Variants in PDCD7 observed in about 807,000 individuals in gnomAD.
PDCD7 encodes the protein programmed cell death protein 7.
In PDCD7, 40 loss-of-function variants were observed where a neutral mutation model predicts 42.1. That is an observed-to-expected ratio of 0.95 (90% CI 0.74 to 1.24). The LOEUF (loss-of-function observed/expected upper bound fraction) is 1.24. Ranked by LOEUF, PDCD7 falls within the 50% of genes most tolerant of loss-of-function variation. The probability of loss-of-function intolerance (pLI) is 0.00; values close to 1 mark genes in which losing one functional copy is unlikely to be tolerated. For synonymous variants in PDCD7, 299 were observed against 303.3 expected (o/e 0.99, Z 0.15); for missense variants, 644 against 662.8 (o/e 0.97, Z 0.31).
rs747819259 is a variant in PDCD7, at chr15:65,119,978, A to G, written c.1010-24T>C. 3.8e-6 allele frequency: 6 copies of G among 1,583,382 alleles called. No individual in the cohort carries two copies. In the South Asian group the frequency reaches 7.1e-5, roughly 19 times the overall value. ...CCCTGGGCAGACAGGACAAAATGGC[A>G]TTTTATTTATTTTTTTTTTTGAGAC... On this transcript the variant is annotated intron_variant, in intron 2 of 4. Coordinates refer to ENST00000204549, the MANE Select transcript of PDCD7 (RefSeq NM_005707.2).
chr15:65,133,539 G>C lies in PDCD7; in HGVS notation c.243C>G (p.Tyr81Ter). 8.1e-7 allele frequency: 1 copy of C among 1,229,252 alleles called. No individual in the cohort carries two copies. The highest frequency in any genetic ancestry group is 1.0e-6 in the Non-Finnish European group (1 of 986,302). The allele number at this position is 1,229,252 out of a possible 1,614,324, so 76.1% of individuals were successfully genotyped here. A position where few individuals can be genotyped will look rare whatever the true frequency, so the allele number is the denominator to read the frequency against. ...SRGGGGAGAFYPVPPPPLPPP... is the reference protein window; with the variant it reads ...SRGGGGAGAF ...GAGGCAGCGGCGGTGGTGGCACCGG[G>C]TAGAAGGCGCCAGCGCCGCCTCCGC... The change falls in exon 1 of 5, where the codon TAC (tyrosine) becomes TAG (stop). Residue 81 changes from tyrosine to a stop codon, truncating the protein, a stop_gained. Transcript: ENST00000204549. LOFTEE classifies it high-confidence loss of function.
Position 65,118,661 on chromosome 15 carries a change from C to T in PDCD7, c.*56G>A. ...TCTACAGCAAAAGATGGCACCATCG[C>T]TAATATTTACAGCTGGAAAGAGCGC... On this transcript the variant is annotated 3_prime_UTR_variant, in exon 5 of 5. Coordinates refer to ENST00000204549, the MANE Select transcript of PDCD7 (RefSeq NM_005707.2). 2 of 1,496,408 alleles carry T rather than the reference C, an allele frequency of 1.3e-6. No individual in the cohort carries two copies. Among genetic ancestry groups the T allele is most frequent in the Admixed American group, 2.3e-5 (1 of 43,322 alleles). The allele number at this position is 1,496,408 out of a possible 1,614,324, so 92.7% of individuals were successfully genotyped here. A position where few individuals can be genotyped will look rare whatever the true frequency, so the allele number is the denominator to read the frequency against.
intron 2 of PDCD7, among the ~76,000 whole-genome samples, chr15:65,127,433 C>T (rs573362066): frequency 9.0e-5 from 13 of 143,870 alleles, no homozygotes; most frequent in Non-Finnish European, 1.8e-4. Context: ...GTCCGCAGTC[C>T]GGCCTGGGCG....
At chr15:65,132,807 CG>C in intron 1 of PDCD7, 104 bp downstream of exon 1, 1 of 1,506,828 alleles carries the variant, frequency 6.6e-7, no homozygotes, top group Non-Finnish European at 8.9e-7. Context: ...TCATTTTGCG[CG>C]TAAAACAGAG....
intron 3 of PDCD7, 124 bp downstream of exon 3, chr15:65,119,594 G>T: frequency 2.4e-6 from 3 of 1,248,072 alleles, no homozygotes; most frequent in South Asian, 1.3e-5. Context: ...TGAGTTCTAT[G>T]ACACAGAATT....
At chr15:65,128,510 T>C (rs941464489) in intron 2 of PDCD7, among the ~76,000 whole-genome samples, 2 of 152,168 alleles carry the variant, frequency 1.3e-5, no homozygotes, top group African/African-American at 4.8e-5. Context: ...TGTCTGGTGC[T>C]TCCTCCAGAG....
chr15:65,126,890 A>G (rs914691673), intron 2 of PDCD7, among the ~76,000 whole-genome samples: 1 of 152,040 alleles, frequency 6.6e-6, no homozygotes, highest in Non-Finnish European at 1.5e-5. Context: ...TTATATGTAC[A>G]TGGGTATATA....
chr15:65,119,596 C>T, intron 3 of PDCD7, 122 bp downstream of exon 3: 1 of 1,242,478 alleles, frequency 8.0e-7, no homozygotes, highest in Non-Finnish European at 1.2e-6. Context: ...AGTTCTATGA[C>T]ACAGAATTGC....
intron 2 of PDCD7, among the ~76,000 whole-genome samples, chr15:65,122,145 G>A (rs2087460342): frequency 6.6e-6 from 1 of 152,076 alleles, no homozygotes; most frequent in Non-Finnish European, 1.5e-5. Context: ...GACCAGCCTG[G>A]CCAACATGGT....
chr15:65,132,124 GTA>G (rs10570029), intron 1 of PDCD7, among the ~76,000 whole-genome samples: 101,991 of 140,800 alleles, frequency 0.72, 37,928 homozygotes, highest in East Asian at 0.9. Context: ...GTATGTATGT[GTA>G]TATATATATA....
At chr15:65,119,000 A>T (rs1208636950) in intron 4 of PDCD7, 160 bp from the exon 5 acceptor site, 1 of 508,012 alleles carries the variant, frequency 2.0e-6, no homozygotes, top group Non-Finnish European at 3.3e-6. Flanking sequence ...TATTTCTTAA[A>T]TGTACATATA....
At chr15:65,125,044 C>T (rs186982146) in intron 2 of PDCD7, among the ~76,000 whole-genome samples, 59 of 152,318 alleles carry the variant, frequency 3.9e-4, no homozygotes, top group African/African-American at 1.3e-3. Context: ...TGTCTACTGG[C>T]GCTCAGCAAA....
At chr15:65,128,988 A>C (rs776632203) in intron 2 of PDCD7, 44 bp downstream of exon 2, 1 of 1,607,492 alleles carries the variant, frequency 6.2e-7, no homozygotes, top group Non-Finnish European at 8.5e-7. Context: ...GCTAGAGTAA[A>C]GAAGGGGAAG....
intron 4 of PDCD7, chr15:65,119,088 G>C: frequency 2.1e-6 from 1 of 467,400 alleles, no homozygotes; most frequent in Non-Finnish European, 3.7e-6. Flanking sequence ...ATTATTTACA[G>C]ATTCTGTATT....
chr15:65,119,542 A>G (rs1483042211), intron 3 of PDCD7, 79 bp from the exon 4 acceptor site: 3 of 1,252,678 alleles, frequency 2.4e-6, no homozygotes, highest in Admixed American at 1.7e-5. Context: ...GACTGAGCCT[A>G]TGATTACGAC....
intron 1 of PDCD7, among the ~76,000 whole-genome samples, chr15:65,132,536 C>T (rs1222710151): frequency 6.6e-6 from 1 of 152,164 alleles, no homozygotes; most frequent in African/African-American, 2.4e-5. Flanking sequence ...AGGCGTGGGC[C>T]ACCGCGCCCG....
chr15:65,121,749 T>G (rs2140579326), intron 2 of PDCD7, among the ~76,000 whole-genome samples: 1 of 152,364 alleles, frequency 6.6e-6, no homozygotes, highest in East Asian at 1.9e-4. Flanking sequence ...TATTAGGTGA[T>G]ATCAAAGAAT....
chr15:65,127,484 A>C (rs918251879), intron 2 of PDCD7, among the ~76,000 whole-genome samples: 1 of 151,426 alleles, frequency 6.6e-6, no homozygotes, highest in African/African-American at 2.4e-5. Flanking sequence ...AAAAAAAAAA[A>C]CTTTCAGCGG....
chr15:65,127,388 C>T (rs921429572), intron 2 of PDCD7, among the ~76,000 whole-genome samples: 2 of 146,806 alleles, frequency 1.4e-5, no homozygotes, highest in African/African-American at 2.5e-5. Context: ...ACCCGGGAAG[C>T]GGAGCTTGCA....
Sources: allele counts gnomAD v4.1 joint callset (sites outside exome capture counted in the v4.1 genomes callset), GRCh38; gene constraint gnomAD v4.1.1; transcripts MANE v1.5; gene names NCBI Gene and HGNC (gene_info 2026-07-23, HGNC 2026-07-21).